USH2A: variants seen among roughly 807,000 people sequenced by gnomAD.
USH2A encodes the protein usherin.
In USH2A, 443 loss-of-function variants were observed where a neutral mutation model predicts 538.9. That is an observed-to-expected ratio of 0.82 (90% confidence interval 0.76 to 0.89). The LOEUF (loss-of-function observed/expected upper bound fraction) is 0.89. USH2A is among the 40% of genes least tolerant of loss of function. USH2A has a pLI of 0.00. For missense variants in USH2A, 6,633 were observed against 6,324.8 expected (o/e 1.05, Z -1.65); for synonymous variants, 2,413 against 2,273.5 (o/e 1.06, Z -1.75).
chr1:216,312,929 A>G (rs184826939), intron 9 of USH2A, among the ~76,000 whole-genome samples: 21 of 152,290 alleles, frequency 1.4e-4, no homozygotes, highest in Admixed American at 1.3e-3. Flanking sequence ...ACTCTGGCAA[A>G]CAGGCCTTTC....
At chr1:216,004,125 T>A (rs1668336650) in intron 32 of USH2A, among the ~76,000 whole-genome samples, 1 of 152,114 alleles carries the variant, frequency 6.6e-6, no homozygotes, top group Non-Finnish European at 1.5e-5. Context: ...AGAATTCATA[T>A]AATGAATGTC....
At chr1:215,870,859 TAAA>T (rs1664608449) in intron 43 of USH2A, among the ~76,000 whole-genome samples, 1 of 152,144 alleles carries the variant, frequency 6.6e-6, no homozygotes, top group Non-Finnish European at 1.5e-5. Context: ...TAATAAATGA[TAAA>T]AGAATACATT....
At chr1:215,737,982 T>C (rs1462485996) in intron 60 of USH2A, among the ~76,000 whole-genome samples, 1 of 152,100 alleles carries the variant, frequency 6.6e-6, no homozygotes, top group Non-Finnish European at 1.5e-5. Flanking sequence ...TATATAGTTT[T>C]GCCTCTCAGT....
chr1:215,776,295 C>A (rs1661466530), intron 55 of USH2A, among the ~76,000 whole-genome samples: 4 of 152,182 alleles, frequency 2.6e-5, no homozygotes, highest in Admixed American at 2.6e-4. Context: ...AGTGAGATAG[C>A]AGAAAACGCT....
chr1:216,283,724 A>G (rs1487889458), intron 11 of USH2A, among the ~76,000 whole-genome samples: 3 of 152,218 alleles, frequency 2.0e-5, no homozygotes, highest in Non-Finnish European at 4.4e-5. Context: ...ATCCTTGCAG[A>G]CCATAAAGAC....
chr1:216,195,760 A>C (rs2034827293), intron 19 of USH2A: 3 of 167,018 alleles, frequency 1.8e-5, no homozygotes, highest in Admixed American at 1.3e-4. Context: ...CATCTCTCTC[A>C]GAGGAGGCAC....
chr1:215,975,822 A>G (rs1196075958), intron 35 of USH2A, among the ~76,000 whole-genome samples: 1 of 152,098 alleles, frequency 6.6e-6, no homozygotes, highest in Non-Finnish European at 1.5e-5. Flanking sequence ...TTCCATATGA[A>G]TTTTAGAATA....
chr1:215,843,905 T>C (rs1263452208), intron 46 of USH2A, among the ~76,000 whole-genome samples: 1 of 152,152 alleles, frequency 6.6e-6, no homozygotes, highest in African/African-American at 2.4e-5. Context: ...GATATTAAAT[T>C]AGTAAATAGG....
rs74323960 is a variant in USH2A at position 216,313,264 on chromosome 1, G to A, written c.1644+8619C>T. ...TCACCAGCTGCTCACGTCCTACTAT[G>A]CAGTCCGGTTTCTAATAGACCACAG... On this transcript the variant is annotated intron_variant, in intron 9 of 71. Transcript: ENST00000307340. Among the ~76,000 whole-genome samples the A allele has an allele frequency of 2.1e-3, 314 of 152,252 alleles. 2 individuals carry two copies. The highest frequency in any genetic ancestry group is 7.1e-3 in the African/African-American group (294 of 41,554).
intron 37 of USH2A, among the ~76,000 whole-genome samples, chr1:215,948,812 T>A (rs1423951203): frequency 6.6e-6 from 1 of 152,136 alleles, no homozygotes; most frequent in African/African-American, 2.4e-5. Context: ...TATATTTACT[T>A]CATAAGCTTA....
chr1:215,899,602 T>A (rs1448441207), intron 40 of USH2A, among the ~76,000 whole-genome samples: 1 of 152,206 alleles, frequency 6.6e-6, no homozygotes, highest in Non-Finnish European at 1.5e-5. Context: ...AGATTATACT[T>A]CTCTATGCTG....
chr1:215,790,571 T>C (rs530385475), intron 50 of USH2A, among the ~76,000 whole-genome samples: 1 of 152,324 alleles, frequency 6.6e-6, no homozygotes, highest in South Asian at 2.1e-4. Flanking sequence ...ATTTCTGTCA[T>C]GAAAACTGCC....
intron 4 of USH2A, among the ~76,000 whole-genome samples, chr1:216,346,368 T>C (rs763004778): frequency 4.6e-5 from 7 of 152,108 alleles, no homozygotes; most frequent in Non-Finnish European, 1.0e-4. Flanking sequence ...TCCCAGGAAT[T>C]GGAAATGGAT....
chr1:215,710,851 G>A (rs914096941), intron 61 of USH2A, among the ~76,000 whole-genome samples: 2 of 151,508 alleles, frequency 1.3e-5, no homozygotes, highest in Non-Finnish European at 2.9e-5. Flanking sequence ...TGTTCTTTTT[G>A]GATCTTTGAA....
chr1:215,676,060 G>A (rs151054923), intron 62 of USH2A, among the ~76,000 whole-genome samples: 213 of 152,094 alleles, frequency 1.4e-3, no homozygotes, highest in African/African-American at 4.9e-3. Flanking sequence ...GAATTACAAC[G>A]CTTAATCATT....
chr1:215,922,841 TA>T (rs1666135587), intron 38 of USH2A, among the ~76,000 whole-genome samples: 1 of 152,074 alleles, frequency 6.6e-6, no homozygotes, highest in Non-Finnish European at 1.5e-5. Flanking sequence ...CAGGTAAAGT[TA>T]CTTAAGTCAG....
At chr1:216,143,617 T>A (rs1490380480) in intron 21 of USH2A, among the ~76,000 whole-genome samples, 1 of 152,128 alleles carries the variant, frequency 6.6e-6, no homozygotes, top group Non-Finnish European at 1.5e-5. Context: ...CAAAAGCACA[T>A]AATTAAAATG....
intron 43 of USH2A, among the ~76,000 whole-genome samples, chr1:215,874,549 G>A (rs1255892317): frequency 6.6e-6 from 1 of 152,032 alleles, no homozygotes; most frequent in Non-Finnish European, 1.5e-5. Context: ...AAATTAAATT[G>A]GTGCTTTTCT....
At chr1:215,699,596 T>C (rs1658938863) in intron 61 of USH2A, among the ~76,000 whole-genome samples, 1 of 152,190 alleles carries the variant, frequency 6.6e-6, no homozygotes, top group Non-Finnish European at 1.5e-5. Context: ...GAATGGAAGT[T>C]CACTCATGAT....
Sources: allele counts gnomAD v4.1 joint callset (sites outside exome capture counted in the v4.1 genomes callset), GRCh38; gene constraint gnomAD v4.1.1; transcripts MANE v1.5; gene names NCBI Gene and HGNC (gene_info 2026-07-23, HGNC 2026-07-21).